The following IL7 variants were observed in gnomAD, a reference collection of about 807,000 sequenced individuals.
The protein encoded by IL7 is interleukin 7.
A neutral mutation model predicts 21.6 loss-of-function variants in IL7; 3 were observed. The ratio of observed to expected loss-of-function variants is 0.14; its 90% CI spans 0.06 to 0.36. The LOEUF is 0.36. Ranked by LOEUF, IL7 falls within the 10% of genes least tolerant of loss-of-function variation. IL7 has a pLI of 1.00. For missense variants in IL7, 175 were observed against 200.2 expected, an observed-to-expected ratio of 0.87 and a Z score of 0.76; for synonymous variants, 62 against 68.1, an observed-to-expected ratio of 0.91 and a Z score of 0.44.
intron 3 of IL7, among the ~76,000 whole-genome samples, chr8:78,711,161 G>A (rs1288516349): frequency 1.3e-5 from 2 of 152,108 alleles, no homozygotes; most frequent in Admixed American, 6.5e-5. Flanking sequence ...AAGTTAACAA[G>A]CAGTGATGTG....
At chr8:78,768,403 C>G (rs1447529714) in intron 2 of IL7, among the ~76,000 whole-genome samples, 1 of 149,074 alleles carries the variant, frequency 6.7e-6, no homozygotes, top group Non-Finnish European at 1.5e-5. Context: ...TAAAAGTGTT[C>G]CTATTTCTCC....
chr8:78,716,932 T>C (rs1811125689), downstream of IL7, among the ~76,000 whole-genome samples: 1 of 152,162 alleles, frequency 6.6e-6, no homozygotes, highest in South Asian at 2.1e-4. Flanking sequence ...ACATGCTTGC[T>C]TCCCCTTTGC....
chr8:78,782,941 G>A (rs768223694), intron 2 of IL7, among the ~76,000 whole-genome samples: 10 of 152,148 alleles, frequency 6.6e-5, no homozygotes, highest in Non-Finnish European at 1.5e-4. Context: ...TCCGGGTGCA[G>A]CCTAAAGAGG....
At chr8:78,762,458 C>A in intron 2 of IL7, 3 of 1,552,682 alleles carry the variant, frequency 1.9e-6, no homozygotes, top group Non-Finnish European at 2.6e-6. Flanking sequence ...GCCGGTCCAG[C>A]CCTCCCCTCC....
At chr8:78,750,441 A>G (rs1812128573) in intron 2 of IL7, among the ~76,000 whole-genome samples, 1 of 152,108 alleles carries the variant, frequency 6.6e-6, no homozygotes, top group Non-Finnish European at 1.5e-5. Flanking sequence ...AAGGCAAAAC[A>G]CACAGTTTGA....
chr8:78,766,963 T>C (rs904984316), intron 2 of IL7, among the ~76,000 whole-genome samples: 1 of 152,154 alleles, frequency 6.6e-6, no homozygotes, highest in African/African-American at 2.4e-5. Flanking sequence ...TTTACCATTT[T>C]TACCAATCCT....
intron 3 of IL7, among the ~76,000 whole-genome samples, chr8:78,704,574 C>G (rs1265027879): frequency 6.6e-6 from 1 of 151,990 alleles, no homozygotes; most frequent in Non-Finnish European, 1.5e-5. Context: ...GATTATGTGT[C>G]TTGTGGATGA....
chr8:78,742,284 A>T (rs931893854), intron 2 of IL7, among the ~76,000 whole-genome samples: 5 of 152,184 alleles, frequency 3.3e-5, no homozygotes, highest in African/African-American at 1.2e-4. Context: ...AGATCACGCC[A>T]CTGCACTCCA....
chr8:78,770,336 A>G (rs1812908657), intron 2 of IL7, among the ~76,000 whole-genome samples: 1 of 151,036 alleles, frequency 6.6e-6, no homozygotes. Context: ...AATTCAGTAG[A>G]GCTTGGTCAA....
At chr8:78,728,206 T>G (rs935584734), downstream of IL7, among the ~76,000 whole-genome samples, 4 of 151,968 alleles carry the variant, frequency 2.6e-5, no homozygotes, top group Admixed American at 1.3e-4. Context: ...TCTTCCCCAG[T>G]TTAATCTATA....
At chr8:78,715,941 G>A (rs1212210009), downstream of IL7, among the ~76,000 whole-genome samples, 2 of 150,358 alleles carry the variant, frequency 1.3e-5, no homozygotes, top group African/African-American at 4.9e-5. Flanking sequence ...TCAGGAGGCC[G>A]AGGCAGGAGA....
chr8:78,701,483 T>C (rs1188355396), intron 3 of IL7, among the ~76,000 whole-genome samples: 2 of 152,242 alleles, frequency 1.3e-5, no homozygotes, highest in Non-Finnish European at 2.9e-5. Context: ...GATGCCCCTT[T>C]ATTTCTTTCT....
At chr8:78,804,175 AC>A (rs1814203800) in intron 1 of IL7, among the ~76,000 whole-genome samples, 1 of 152,118 alleles carries the variant, frequency 6.6e-6, no homozygotes, top group South Asian at 2.1e-4. Context: ...CGTATTCTGC[AC>A]AAATAAGATA....
At chr8:78,745,440 CA>C (rs371913639) in intron 2 of IL7, among the ~76,000 whole-genome samples, 14 of 152,148 alleles carry the variant, frequency 9.2e-5, no homozygotes, top group African/African-American at 3.4e-4. Flanking sequence ...CTCCAAAATC[CA>C]AAGAACATTT....
intron 3 of IL7, among the ~76,000 whole-genome samples, chr8:78,709,182 T>C (rs1438097477): frequency 6.6e-6 from 1 of 152,186 alleles, no homozygotes; most frequent in Non-Finnish European, 1.5e-5. Flanking sequence ...GCACATTTAC[T>C]TTGGAGAGCA....
chr8:78,721,524 GC>G (rs1456776382), intron 3 of IL7: 1 of 152,008 alleles, frequency 6.6e-6, no homozygotes, highest in African/African-American at 2.4e-5. Context: ...TTTTATCTCT[GC>G]CCAAATACCT....
chr8:78,785,605 C>T (rs963612752), intron 2 of IL7, among the ~76,000 whole-genome samples: 4 of 152,146 alleles, frequency 2.6e-5, no homozygotes, highest in African/African-American at 9.7e-5. Context: ...AAAACTATGG[C>T]GTGAAGTACA....
At chr8:78,684,317 A>G (rs773832174) in intron 4 of IL7, among the ~76,000 whole-genome samples, 12 of 152,214 alleles carry the variant, frequency 7.9e-5, no homozygotes, top group Non-Finnish European at 1.0e-4. Flanking sequence ...TGGAAGGTGA[A>G]GAAGAATCAA....
intron 4 of IL7, among the ~76,000 whole-genome samples, chr8:78,738,172 G>A (rs1274499200): frequency 1.3e-5 from 2 of 151,950 alleles, no homozygotes; most frequent in East Asian, 3.9e-4. Context: ...GTACATATAT[G>A]GATTAAAGCT....
Sources: allele counts gnomAD v4.1 joint callset (sites outside exome capture counted in the v4.1 genomes callset), GRCh38; gene constraint gnomAD v4.1.1; transcripts MANE v1.5; gene names NCBI Gene and HGNC (gene_info 2026-07-23, HGNC 2026-07-21).